PCDHGA4: variants seen among roughly 807,000 people sequenced by gnomAD.
The protein encoded by PCDHGA4 is protocadherin gamma-A4.
PCDHGA4 carries 38 observed loss-of-function variants against 54.6 expected under a neutral mutation model. That is an observed-to-expected ratio of 0.70 (90% CI 0.54 to 0.91). PCDHGA4 has a LOEUF of 0.91. Ranked by LOEUF, PCDHGA4 falls within the 40% of genes least tolerant of loss-of-function variation. The pLI, the probability that PCDHGA4 is intolerant of heterozygous loss-of-function variation, is 0.00. For synonymous variants in PCDHGA4, 511 were observed against 512.9 expected (o/e 1.00, Z 0.05); for missense variants, 1,298 against 1,220.9 (o/e 1.06, Z -0.94).
intron 1 of PCDHGA4, chr5:141,393,081 A>T (rs1005323306): frequency 6.2e-7 from 1 of 1,613,672 alleles, no homozygotes; most frequent in South Asian, 1.1e-5. Flanking sequence ...CGCGGGCAGG[A>T]TAGATCGGGA....
chr5:141,377,799 T>C (rs1774359449), intron 1 of PCDHGA4: 1 of 152,206 alleles, frequency 6.6e-6, no homozygotes, highest in African/African-American at 2.4e-5. Flanking sequence ...TTCCTGTAAC[T>C]ATCTGTTATT....
At chr5:141,457,393 T>G (rs1299068071) in intron 1 of PCDHGA4, among the ~76,000 whole-genome samples, 1 of 152,228 alleles carries the variant, frequency 6.6e-6, no homozygotes, top group African/African-American at 2.4e-5. Flanking sequence ...AGCATATTGA[T>G]TCACATTTTC....
At chr5:141,483,100 G>A (rs1051736065) in intron 1 of PCDHGA4, among the ~76,000 whole-genome samples, 11 of 152,078 alleles carry the variant, frequency 7.2e-5, no homozygotes, top group South Asian at 2.1e-4. Flanking sequence ...AAAAGTGTGC[G>A]TGTAAAACAG....
rs371280575 is a variant in PCDHGA4 at position 141,393,339 on chromosome 5, C to T, written c.2514+35718C>T. ...CCAGAGCTACCAGCTCAGCCCCAAT[C>T]ACCACTTCTCCCTGGACGTGCAGAC... On this transcript the variant is annotated intron_variant, in intron 1 of 3. Coordinates refer to ENST00000571252, the MANE Select transcript of PCDHGA4 (RefSeq NM_018917.4). 109 of 1,613,800 alleles carry T rather than the reference C, an allele frequency of 6.8e-5. No individual in the cohort carries two copies. The highest frequency in any genetic ancestry group is 9.2e-5 in the Non-Finnish European group (109 of 1,179,890).
chr5:141,372,350 GCCTCTTTCAGCCA>G (rs1768695448), intron 1 of PCDHGA4: 2 of 1,613,880 alleles, frequency 1.2e-6, no homozygotes, highest in Admixed American at 3.3e-5. Flanking sequence ...GAGGACAGCA[GCCTCTTTCAGCCA>G]CCGTCATGCT....
rs376819906 is a variant in PCDHGA4 at position 141,418,227 on chromosome 5, T to C, written c.2514+60606T>C. On this transcript the variant is annotated intron_variant, in intron 1 of 3. Transcript: ENST00000571252. ...AATATTTTTCATGTCATTGTGGTGA[T>C]TGAGGATGTTAATGACCACGCCCCT... The C allele has an allele frequency of 6.8e-6, 11 of 1,613,856 alleles. No homozygotes were observed. In the South Asian group the frequency reaches 7.7e-5, roughly 11 times the overall value.
intron 1 of PCDHGA4, among the ~76,000 whole-genome samples, chr5:141,461,391 G>A (rs1310387476): frequency 1.3e-5 from 2 of 152,058 alleles, no homozygotes; most frequent in East Asian, 1.9e-4. Context: ...GATGATTAGC[G>A]ATGTTGAGCA....
rs1023816949 is a variant in PCDHGA4, at chr5:141,362,715, T to C, written c.2514+5094T>C. On this transcript the variant is annotated intron_variant, in intron 1 of 3. Transcript: ENST00000571252. ...CTAACTGAATTTTAAGTGTTTTCTC[T>C]CTGAAGTGTGAGATTTATTTACCCA... The C allele has an allele frequency of 8.8e-5, 80 of 911,620 alleles. No individual in the cohort carries two copies. In the East Asian group the frequency reaches 2.0e-3, roughly 23 times the overall value. The allele number at this position is 911,620 out of a possible 1,614,324, so 56.5% of individuals were successfully genotyped here.
At chr5:141,495,175 C>T (rs1337353259) in intron 2 of PCDHGA4, among the ~76,000 whole-genome samples, 1 of 152,182 alleles carries the variant, frequency 6.6e-6, no homozygotes, top group Admixed American at 6.5e-5. Context: ...TGGGTGAAAG[C>T]GAGGCTTTCT....
chr5:141,357,458 A>G lies in PCDHGA4; in HGVS notation c.2351A>G (p.Tyr784Cys), dbSNP rs372570425. 26 of 1,614,062 alleles carry G rather than the reference A, an allele frequency of 1.6e-5. No homozygotes were observed. The highest frequency in any genetic ancestry group is 6.7e-5 in the African/African-American group (5 of 74,934). ...GGGGTTCGGGCTTTCCTGCAGACCT[A>G]TTCCCACGAGGTCTCCCTCACCGCG... ...VDGVRAFLQTYSHEVSLTADS... is the reference protein window; with the variant it reads ...VDGVRAFLQTCSHEVSLTADS... The change falls in exon 1 of 4, where the codon TAT (tyrosine) becomes TGT (cysteine). Residue 784 changes from tyrosine (Y) to cysteine (C), a missense_variant. Transcript: ENST00000571252.
intron 1 of PCDHGA4, among the ~76,000 whole-genome samples, chr5:141,483,014 G>A (rs1401419953): frequency 1.3e-5 from 2 of 152,184 alleles, no homozygotes; most frequent in Non-Finnish European, 2.9e-5. Context: ...GAACCCGGGA[G>A]GCAGAGGTTG....
rs2096665320 is a variant in PCDHGA4 at position 141,422,696 on chromosome 5, A to G, written c.2514+65075A>G. The G allele has an allele frequency of 3.1e-6, 5 of 1,602,638 alleles. No homozygotes were observed. The highest frequency in any genetic ancestry group is 4.3e-6 in the Non-Finnish European group (5 of 1,174,110). On this transcript the variant is annotated intron_variant, in intron 1 of 3. Coordinates refer to ENST00000571252, the MANE Select transcript of PCDHGA4 (RefSeq NM_018917.4). Reference sequence around the variant, plus strand: ...AGCAAACAGAATGCCCTGGTCACTTACTCTCTGACGGATGACACTGTCCAG... The same window carrying G: ...AGCAAACAGAATGCCCTGGTCACTTGCTCTCTGACGGATGACACTGTCCAG...
At chr5:141,413,338 G>A in intron 1 of PCDHGA4, 1 of 1,613,980 alleles carries the variant, frequency 6.2e-7, no homozygotes, top group African/African-American at 1.3e-5. Context: ...CATCTCCAAG[G>A]ACTTGGGTCT....
rs1212833348 is a variant in PCDHGA4 at position 141,431,379 on chromosome 5, C to T, written c.2515-63428C>T. On this transcript the variant is annotated intron_variant, in intron 1 of 3. Transcript: ENST00000571252. The surrounding 1 kb of genome is among the most constrained non-coding windows in gnomAD (Gnocchi z 4.8). ...GCCCTGGACCGCGAAGAAAAGGCTG[C>T]TCACCACCTGGTCCTTACGGCCTCC... is the stretch of plus-strand genomic sequence containing the variant. 3 of 1,613,946 alleles carry T rather than the reference C, an allele frequency of 1.9e-6. No individual in the cohort carries two copies. Among genetic ancestry groups the T allele is most frequent in the Non-Finnish European group, 2.5e-6 (3 of 1,180,020 alleles).
At chr5:141,480,414 C>CA (rs10712552) in intron 1 of PCDHGA4, among the ~76,000 whole-genome samples, 44 of 147,474 alleles carry the variant, frequency 3.0e-4, no homozygotes, top group Non-Finnish European at 4.4e-4. Context: ...GACCCTGTCT[C>CA]AAAAAAAAAA....
chr5:141,470,972 C>T (rs1186771156), intron 1 of PCDHGA4, among the ~76,000 whole-genome samples: 3 of 151,988 alleles, frequency 2.0e-5, no homozygotes, highest in Non-Finnish European at 4.4e-5. Flanking sequence ...CCACCTCAGC[C>T]TCCCAAAGTG....
intron 1 of PCDHGA4, among the ~76,000 whole-genome samples, chr5:141,368,183 A>C (rs1765520676): frequency 6.6e-6 from 1 of 152,202 alleles, no homozygotes; most frequent in South Asian, 2.1e-4. Flanking sequence ...TAATGACTAA[A>C]TAAGGGGAAA....
intron 1 of PCDHGA4, chr5:141,362,081 G>A: frequency 6.2e-7 from 1 of 1,613,190 alleles, no homozygotes; most frequent in Non-Finnish European, 8.5e-7. Flanking sequence ...GTGCGTGATG[G>A]AGGACAGCCG....
chr5:141,377,906 C>T (rs777974750), intron 1 of PCDHGA4: 1 of 152,280 alleles, frequency 6.6e-6, no homozygotes, highest in Non-Finnish European at 1.5e-5. Context: ...GTTGCCCAGT[C>T]TGGAGTAAAA....
Sources: gnomAD v4.1 joint callset for allele counts (sites outside exome capture counted in the v4.1 genomes callset) on GRCh38, gnomAD v4.1.1 for gene constraint, Gnocchi (gnomAD v3.1) non-coding constraint, MANE v1.5 for transcripts, NCBI Gene and HGNC (gene_info 2026-07-23, HGNC 2026-07-21) for gene names.